Variants in ADAMTS3 observed in about 807,000 individuals in gnomAD.
ADAMTS3 encodes A disintegrin and metalloproteinase with thrombospondin motifs 3.
Under a neutral mutation model 129.0 loss-of-function variants are expected in ADAMTS3, and 73 were observed. That is an observed-to-expected ratio of 0.57 (90% CI 0.47 to 0.69). The LOEUF (loss-of-function observed/expected upper bound fraction) is 0.69. Among genes scored for constraint, ADAMTS3 ranks in the 30% least tolerant of loss-of-function variants. The pLI is 0.00. For synonymous variants in ADAMTS3, 477 were observed against 510.8 expected (o/e 0.93, Z 0.89); for missense variants, 1,457 against 1,514.5 (o/e 0.96, Z 0.63).
rs752995457 is a variant in ADAMTS3 at position 72,295,685 on chromosome 4, T to G, written c.2692A>C (p.Met898Leu). 22 of 1,612,804 alleles carry G rather than the reference T, an allele frequency of 1.4e-5. No individual in the cohort carries two copies. Among genetic ancestry groups the G allele is most frequent in the Non-Finnish European group, 1.6e-5 (19 of 1,179,122 alleles). Residue 898 changes from methionine (M) to leucine (L), a missense_variant, in exon 19 of 22, where the codon ATG (methionine) becomes CTG (leucine). Met to Leu is a conservative substitution (Grantham distance 15, BLOSUM62 2). Coordinates refer to ENST00000286657, the MANE Select transcript of ADAMTS3 (RefSeq NM_014243.3). ...TGTGTACACTCTTGAATATTGCACATTCGTCTAATAGGTTTCGGCTTTTTG... is the reference window on the plus strand; with the variant it reads ...TGTGTACACTCTTGAATATTGCACAGTCGTCTAATAGGTTTCGGCTTTTTG... ...ANKKPKPIRR[M>L]CNIQECTHPL... is the part of the protein sequence containing the mutation.
intron 3 of ADAMTS3, among the ~76,000 whole-genome samples, chr4:72,532,568 G>C (rs1272227381): frequency 6.6e-6 from 1 of 151,754 alleles, no homozygotes; most frequent in African/African-American, 2.4e-5. Flanking sequence ...TTATAATACA[G>C]TCATGTGTTG....
At chr4:72,324,226 C>A (rs1209913101) in intron 5 of ADAMTS3, among the ~76,000 whole-genome samples, 1 of 152,072 alleles carries the variant, frequency 6.6e-6, no homozygotes, top group Non-Finnish European at 1.5e-5. Context: ...AAATATAACT[C>A]AAGAATGATT....
intron 4 of ADAMTS3, among the ~76,000 whole-genome samples, chr4:72,351,353 C>A (rs1439467854): frequency 6.6e-6 from 1 of 151,728 alleles, no homozygotes; most frequent in East Asian, 1.9e-4. Flanking sequence ...ATTTAGCTTG[C>A]CCTAAATGAT....
intron 11 of ADAMTS3, among the ~76,000 whole-genome samples, 181 bp from the exon 12 acceptor site, chr4:72,314,003 G>T (rs563302524): frequency 8.6e-5 from 13 of 151,714 alleles, no homozygotes; most frequent in African/African-American, 3.2e-4. Flanking sequence ...GGGTAATTTA[G>T]ACTTGTATTT....
chr4:72,355,138 A>G (rs1720546852), intron 4 of ADAMTS3, among the ~76,000 whole-genome samples: 1 of 150,194 alleles, frequency 6.7e-6, no homozygotes, highest in South Asian at 2.1e-4. Context: ...ATTATAGTCT[A>G]CTCATTTTTT....
Position 72,478,365 on chromosome 4 carries a change from C to T in ADAMTS3, c.505-63394G>A, listed in dbSNP as rs1298592464. Among the ~76,000 whole-genome samples, 4 of 149,964 alleles carry T rather than the reference C, an allele frequency of 2.7e-5. No homozygotes were observed. In the Admixed American group the frequency reaches 2.7e-4, roughly 10 times the overall value. On this transcript the variant is annotated intron_variant, in intron 3 of 21. Transcript: ENST00000286657. The stretch of plus-strand genomic sequence containing the variant: ...CACCATGATCAAGTGGGCTTCATCC[C>T]TGGGATGCAAGGCTGGTTCAATATA...
At chr4:72,296,563 A>G (rs1718814213) in intron 18 of ADAMTS3, among the ~76,000 whole-genome samples, 1 of 152,072 alleles carries the variant, frequency 6.6e-6, no homozygotes, top group African/African-American at 2.4e-5. Context: ...ACTATGTCAC[A>G]TTTGCTATAT....
intron 5 of ADAMTS3, among the ~76,000 whole-genome samples, chr4:72,327,991 G>A (rs1364875472): frequency 6.6e-6 from 1 of 152,200 alleles, no homozygotes; most frequent in Non-Finnish European, 1.5e-5. Context: ...AATAAAGGGT[G>A]AAATGTATAA....
At chr4:72,432,174 A>G (rs1470903608) in intron 3 of ADAMTS3, among the ~76,000 whole-genome samples, 1 of 151,922 alleles carries the variant, frequency 6.6e-6, no homozygotes, top group Non-Finnish European at 1.5e-5. Flanking sequence ...TTTCCTCCAC[A>G]ATTAGGTGTG....
chr4:72,418,023 T>C (rs947416253), intron 3 of ADAMTS3, among the ~76,000 whole-genome samples: 11 of 152,006 alleles, frequency 7.2e-5, no homozygotes, highest in African/African-American at 2.4e-4. Context: ...TTGTCCTCAT[T>C]TGATTAAATC....
intron 3 of ADAMTS3, among the ~76,000 whole-genome samples, chr4:72,484,947 C>G: frequency 6.6e-6 from 1 of 152,068 alleles, no homozygotes; most frequent in East Asian, 1.9e-4. Context: ...ATATCAAAGA[C>G]CTGAGCATTT....
At chr4:72,321,265 G>A (rs775323795) in intron 6 of ADAMTS3, among the ~76,000 whole-genome samples, 7 of 152,022 alleles carry the variant, frequency 4.6e-5, no homozygotes, top group Admixed American at 2.6e-4. Context: ...TCTGCCTCTC[G>A]GGTTCAAGCA....
At chr4:72,285,155 T>C (rs775511348) in intron 21 of ADAMTS3, among the ~76,000 whole-genome samples, 1 of 151,822 alleles carries the variant, frequency 6.6e-6, no homozygotes, top group Non-Finnish European at 1.5e-5. Context: ...AAAGAGAGAG[T>C]CAGCTGGCGA....
intron 3 of ADAMTS3, among the ~76,000 whole-genome samples, chr4:72,472,442 A>G (rs1719097130): frequency 6.6e-6 from 1 of 152,160 alleles, no homozygotes; most frequent in South Asian, 2.1e-4. Context: ...AGTGCTTCTG[A>G]ACATAAAAAT....
chr4:72,376,709 C>A (rs1186680156), intron 4 of ADAMTS3, among the ~76,000 whole-genome samples: 1 of 152,160 alleles, frequency 6.6e-6, no homozygotes, highest in Non-Finnish European at 1.5e-5. Flanking sequence ...TCCAAGGGAA[C>A]TTTCCTCATC....
intron 5 of ADAMTS3, among the ~76,000 whole-genome samples, chr4:72,329,923 G>C (rs761068468): frequency 2.6e-5 from 4 of 152,000 alleles, no homozygotes; most frequent in Non-Finnish European, 5.9e-5. Flanking sequence ...TTTGTTTTTT[G>C]ACTGTTCTCC....
chr4:72,439,226 T>C (rs1028006672), intron 3 of ADAMTS3, among the ~76,000 whole-genome samples: 14 of 151,754 alleles, frequency 9.2e-5, no homozygotes, highest in African/African-American at 3.4e-4. Flanking sequence ...TTTCATTAAG[T>C]TTTTAGTCAC....
At chr4:72,357,805 T>A (rs1720618002) in intron 4 of ADAMTS3, among the ~76,000 whole-genome samples, 1 of 151,946 alleles carries the variant, frequency 6.6e-6, no homozygotes, top group South Asian at 2.1e-4. Flanking sequence ...AGGAATACTA[T>A]CGATCAAGAA....
Position 72,496,550 on chromosome 4 carries a change from C to G in ADAMTS3, c.504+51928G>C, listed in dbSNP as rs375997851. Among the ~76,000 whole-genome samples the G allele has an allele frequency of 1.4e-4, 22 of 152,232 alleles. No homozygotes were observed. In the South Asian group the frequency reaches 4.6e-3, roughly 32 times the overall value. On this transcript the variant is annotated intron_variant, in intron 3 of 21. Coordinates refer to ENST00000286657, the MANE Select transcript of ADAMTS3 (RefSeq NM_014243.3). ...TGGCATAGGTATATAAAAGTGTCTG[C>G]CACTCCTAGTATCATCAATCCTATG... is the stretch of plus-strand genomic sequence containing the variant.
Sources: gnomAD v4.1 joint callset for allele counts (sites outside exome capture counted in the v4.1 genomes callset) on GRCh38, gnomAD v4.1.1 for gene constraint, MANE v1.5 for transcripts, NCBI Gene and HGNC (gene_info 2026-07-23, HGNC 2026-07-21) for gene names.